Variants in STKLD1 observed in about 807,000 individuals in gnomAD.
The protein encoded by STKLD1 is serine/threonine kinase-like domain-containing protein STKLD1.
STKLD1 carries 79 observed loss-of-function variants against 80.4 expected under a neutral mutation model. That is an observed-to-expected ratio of 0.98 (90% CI 0.82 to 1.19). The LOEUF (loss-of-function observed/expected upper bound fraction) is 1.19. STKLD1 is among the 50% of genes most tolerant of loss of function. STKLD1 has a pLI of 0.00. For synonymous variants in STKLD1, 393 were observed against 357.6 expected (o/e 1.10, Z -1.12); for missense variants, 841 against 856.0 (o/e 0.98, Z 0.22).
chr9:133,397,022 C>A, intron 9 of STKLD1, 142 bp from the exon 10 acceptor site: 3 of 1,252,246 alleles, frequency 2.4e-6, no homozygotes, highest in South Asian at 3.0e-5. Context: ...AGAGACCCTG[C>A]CAAATGAATC....
At position 133,394,272 on chromosome 9, in the gene STKLD1, A is replaced by C; in HGVS notation, c.584-19A>C. On this transcript the variant is annotated intron_variant, in intron 7 of 17. Transcript: ENST00000371957. The surrounding 1 kb of genome is among the most constrained non-coding windows in gnomAD (Gnocchi z 4.9). ...AGGGAGCAAAGGACTCAGGGATCCC[A>C]CCTTGCTTTTACCAACAGACCCCTT... 1 of 1,554,876 alleles carries C rather than the reference A, an allele frequency of 6.4e-7. No homozygotes were observed. The highest frequency in any genetic ancestry group is 8.9e-7 in the Non-Finnish European group (1 of 1,126,262).
intron 9 of STKLD1, 147 bp from the exon 10 acceptor site, chr9:133,397,017 C>A: frequency 8.4e-7 from 1 of 1,190,894 alleles, no homozygotes; most frequent in Non-Finnish European, 1.2e-6. Context: ...CTATGAGAGA[C>A]CCTGCCAAAT....
intron 11 of STKLD1, among the ~76,000 whole-genome samples, chr9:133,398,632 A>T (rs1457306430): frequency 1.3e-5 from 2 of 152,096 alleles, no homozygotes; most frequent in African/African-American, 4.8e-5. Flanking sequence ...TAAAAAAATT[A>T]GCCAGGTGTG....
Position 133,405,295 on chromosome 9 carries a change from G to T in STKLD1, c.1917G>T (p.Leu639=). 2 of 1,612,882 alleles carry T rather than the reference G, an allele frequency of 1.2e-6. No homozygotes were observed. Among genetic ancestry groups the T allele is most frequent in the Non-Finnish European group, 1.7e-6 (2 of 1,179,864 alleles). Residue 639 remains leucine (L), a synonymous_variant, in exon 18 of 18, where the codon CTG becomes CTT. Transcript: ENST00000371957. ...TGGTGTCCAGTAGTATGAAGGCCCTGCTCCAGGAGATCAAGGAGCGCTTCA... is the reference window on the plus strand; with the variant it reads ...TGGTGTCCAGTAGTATGAAGGCCCTTCTCCAGGAGATCAAGGAGCGCTTCA... ...PELVSSSMKA[L]LQEIKERFTS...
intron 2 of STKLD1, among the ~76,000 whole-genome samples, chr9:133,383,338 ATGG>A (rs1280928157): frequency 0.31 from 1,003 of 3,218 alleles, 1 homozygote; most frequent in Middle Eastern, 0.5. Flanking sequence ...GGTGATGGTG[ATGG>A]TGATGATGGT....
intron 1 of STKLD1, among the ~76,000 whole-genome samples, chr9:133,377,148 A>G (rs2130252835): frequency 3.9e-5 from 6 of 152,316 alleles, no homozygotes; most frequent in African/African-American, 1.4e-4. Context: ...AGAGGACTAT[A>G]GGGCGTTGCC....
intron 8 of STKLD1, among the ~76,000 whole-genome samples, chr9:133,395,210 C>A (rs587703013): frequency 3.9e-5 from 6 of 152,290 alleles, no homozygotes; most frequent in African/African-American, 1.2e-4. Flanking sequence ...GAAAGACTCC[C>A]AGGGAAATGA....
chr9:133,397,417 C>G, intron 10 of STKLD1, 123 bp downstream of exon 10: 3 of 1,303,200 alleles, frequency 2.3e-6, no homozygotes, highest in Non-Finnish European at 3.2e-6. Flanking sequence ...CATGCACGAC[C>G]AGTGGGTAGG....
rs190082001 is a variant in STKLD1 at position 133,400,571 on chromosome 9, C to A, written c.1198+42C>A. Reference sequence around the variant, plus strand: ...GCCAGATGGGGTCGGGGAGGCTGTGCGCTGCTTCCTGCAGCTGTGCCTCCT... The same window carrying A: ...GCCAGATGGGGTCGGGGAGGCTGTGAGCTGCTTCCTGCAGCTGTGCCTCCT... On this transcript the variant is annotated intron_variant, in intron 12 of 17. Coordinates refer to ENST00000371957, the MANE Select transcript of STKLD1 (RefSeq NM_153710.5). 264 of 1,503,098 alleles carry A rather than the reference C, an allele frequency of 1.8e-4. No individual in the cohort carries two copies. The African/African-American group carries it at 3.1e-3, about 18-fold the overall frequency. The allele number at this position is 1,503,098 out of a possible 1,614,324, so 93.1% of individuals were successfully genotyped here.
rs1554776601 is a variant in STKLD1, at chr9:133,395,688, T to A, written c.791T>A (p.Ile264Asn). 1 of 1,613,466 alleles carries A rather than the reference T, an allele frequency of 6.2e-7. No individual in the cohort carries two copies. The highest frequency in any genetic ancestry group is 1.1e-5 in the South Asian group (1 of 91,084). ...AVLKTMEEKQ[I>N]PDVETFRNLL... ...CTGAAGACAATGGAGGAGAAGCAGA[T>A]CCCGGATGTGGAAACCTTCAGGAAT... The change falls in exon 9 of 18, where the codon ATC (isoleucine) becomes AAC (asparagine). Residue 264 changes from isoleucine to asparagine, a missense_variant. By Grantham distance (149) the Ile-to-Asn change is moderately radical. Coordinates refer to ENST00000371957, the MANE Select transcript of STKLD1 (RefSeq NM_153710.5).
chr9:133,405,609 C>T lies in STKLD1; in HGVS notation c.*188C>T, dbSNP rs1052021815. Reference sequence around the variant, plus strand: ...GTCACATGAGTAACTGCTCCTGGACCCGGGGACTGTCCACGAAAACTGACT... The same window carrying T: ...GTCACATGAGTAACTGCTCCTGGACTCGGGGACTGTCCACGAAAACTGACT... On this transcript the variant is annotated 3_prime_UTR_variant, in exon 18 of 18. Coordinates refer to ENST00000371957, the MANE Select transcript of STKLD1 (RefSeq NM_153710.5). The T allele has an allele frequency of 5.3e-5, 28 of 524,632 alleles. No individual in the cohort carries two copies. The highest frequency in any genetic ancestry group is 1.2e-4 in the Admixed American group (3 of 24,776). 32.5% of individuals were successfully genotyped at this position (524,632 alleles called of 1,614,324 possible). A position where few individuals can be genotyped will look rare whatever the true frequency, so the allele number is the denominator to read the frequency against.
At chr9:133,380,730 T>C (rs1011298396) in intron 2 of STKLD1, among the ~76,000 whole-genome samples, 1 of 151,788 alleles carries the variant, frequency 6.6e-6, no homozygotes, top group Non-Finnish European at 1.5e-5. Context: ...GGAAAGAGAG[T>C]GTAGGTAGGA....
Position 133,390,893 on chromosome 9 carries a change from C to A in STKLD1, c.583+97C>A. On this transcript the variant is annotated intron_variant, in intron 7 of 17. Transcript: ENST00000371957. The surrounding 1 kb of genome is among the most constrained non-coding windows in gnomAD (Gnocchi z 5.1). ...GGTGCTGGAGTGAGGCAACATCAAA[C>A]AGCTGTTTGCTCAGAAGGTCCCCAC... is the stretch of plus-strand genomic sequence containing the variant. The A allele has an allele frequency of 1.1e-6, 1 of 882,790 alleles. No homozygotes were observed. The highest frequency in any genetic ancestry group is 1.6e-5 in the African/African-American group (1 of 60,830). 54.7% of individuals were successfully genotyped at this position (882,790 alleles called of 1,614,324 possible).
At chr9:133,392,460 A>G (rs1588746683) in intron 7 of STKLD1, among the ~76,000 whole-genome samples, 1 of 148,854 alleles carries the variant, frequency 6.7e-6, no homozygotes, top group East Asian at 2.1e-4. Context: ...GGGTAAGTGG[A>G]TGGATGATGG....
At chr9:133,397,315 G>T in intron 10 of STKLD1, 21 bp downstream of exon 10, 1 of 1,611,654 alleles carries the variant, frequency 6.2e-7, no homozygotes, top group Non-Finnish European at 8.5e-7. Flanking sequence ...GGACACAAAG[G>T]GGGAGCGTGC....
intron 11 of STKLD1, among the ~76,000 whole-genome samples, chr9:133,399,364 T>C (rs3124752): frequency 0.53 from 80,254 of 152,016 alleles, 21,566 homozygotes; most frequent in African/African-American, 0.57. Flanking sequence ...CCCTGGCCTT[T>C]GAGTAGGTAG....
Position 133,403,716 on chromosome 9 carries a change from G to C in STKLD1, c.1491G>C (p.Lys497Asn). ...TCGTTCCAGGTATCATTGTGAACAA[G>C]GCCCCCTTGGAGAAGGTCCCGGACC... ...ALLLDGIIVN[K>N]APLEKVPDLI... The change falls in exon 15 of 18, where the codon AAG (lysine) becomes AAC (asparagine). Residue 497 changes from lysine (K) to asparagine (N), a missense_variant. Lys to Asn is a moderately conservative substitution (Grantham distance 94). Coordinates refer to ENST00000371957, the MANE Select transcript of STKLD1 (RefSeq NM_153710.5). 9 of 1,613,678 alleles carry C rather than the reference G, an allele frequency of 5.6e-6. No individual in the cohort carries two copies. Among genetic ancestry groups the C allele is most frequent in the Non-Finnish European group, 7.6e-6 (9 of 1,179,854 alleles).
In STKLD1 at chr9:133,397,243, C is replaced by A. The variant is rs781901017; in HGVS notation, c.946C>A (p.Pro316Thr). The change falls in exon 10 of 18, where the codon CCT becomes ACT. Residue 316 changes from proline (P) to threonine (T), a missense_variant. Transcript: ENST00000371957. ...TCTGACCCTGCACCGGCAGATGGTGCCTGCGTCCATCACCGACATGCTGTT... is the reference window on the plus strand; with the variant it reads ...TCTGACCCTGCACCGGCAGATGGTGACTGCGTCCATCACCGACATGCTGTT... ...VSLTLHRQMV[P>T]ASITDMLLEG... 1.2e-6 allele frequency: 2 copies of A among 1,613,896 alleles called. No individual in the cohort carries two copies. The highest frequency in any genetic ancestry group is 3.3e-5 in the Admixed American group (2 of 60,010).
At chr9:133,400,702 A>G (rs1838679924) in intron 12 of STKLD1, among the ~76,000 whole-genome samples, 173 bp downstream of exon 12, 1 of 152,226 alleles carries the variant, frequency 6.6e-6, no homozygotes, top group African/African-American at 2.4e-5. Context: ...TGCCAGGGCC[A>G]GGCCAGGAGA....
Sources: allele counts gnomAD v4.1 joint callset (sites outside exome capture counted in the v4.1 genomes callset), GRCh38; gene constraint gnomAD v4.1.1; non-coding constraint Gnocchi (gnomAD v3.1); transcripts MANE v1.5; gene names NCBI Gene and HGNC (gene_info 2026-07-23, HGNC 2026-07-21).